CITED1: variants seen among roughly 807,000 people sequenced by gnomAD.
The protein encoded by CITED1 is cbp/p300-interacting transactivator 1.
CITED1 carries 3 observed loss-of-function variants against 8.5 expected under a neutral mutation model. The observed-to-expected ratio is 0.35, with a 90% confidence interval of 0.16 to 0.91. The LOEUF (loss-of-function observed/expected upper bound fraction) is 0.91. Among genes scored for constraint, CITED1 ranks in the 40% least tolerant of loss-of-function variants. The pLI is 0.46. For missense variants in CITED1, 113 were observed against 154.8 expected (o/e 0.73, Z 1.43); for synonymous variants, 54 against 67.4 (o/e 0.80, Z 0.97).
rs145265789 is a variant in CITED1 at position 72,303,737 on chromosome X, C to T, written c.-65-803G>A. Reference sequence around the variant, plus strand: ...CTAGCACCCCTATGGCCACATGCCTCACCTGACCACTGGCTAAGTCATCAT... The same window carrying T: ...CTAGCACCCCTATGGCCACATGCCTTACCTGACCACTGGCTAAGTCATCAT... On this transcript the variant is annotated intron_variant, in intron 1 of 2. Coordinates refer to ENST00000651998, the MANE Select transcript of CITED1 (RefSeq NM_001144887.2). Among the ~76,000 whole-genome samples, 927 of 111,927 alleles carry T rather than the reference C, an allele frequency of 8.3e-3. 11 individuals carry two copies. The highest frequency in any genetic ancestry group is 0.029 in the African/African-American group (887 of 30,767).
chrX:72,303,298 C>G (rs2043306401), intron 1 of CITED1, among the ~76,000 whole-genome samples: 1 of 112,872 alleles, frequency 8.9e-6, no homozygotes, highest in African/African-American at 3.2e-5. Context: ...AACATATTGT[C>G]TCAATGGGCT....
At chrX:72,305,370 C>CGGCTT in intron 1 of CITED1, 1 of 1,081,801 alleles carries the variant, frequency 9.2e-7, no homozygotes, top group South Asian at 2.0e-5. Context: ...AACAGCACTG[C>CGGCTT]GGCTTGGCTT....
Position 72,303,021 on chromosome X carries a change from C to T in CITED1, c.-65-87G>A, listed in dbSNP as rs772729354. On this transcript the variant is annotated intron_variant, in intron 1 of 2. Coordinates refer to ENST00000651998, the MANE Select transcript of CITED1 (RefSeq NM_001144887.2). ...CAAAGCCCAAAGCAGGGCAATGCCA[C>T]GCAGCTATGAGGCAAGGATGGTGAC... 9.9e-5 allele frequency: 106 copies of T among 1,070,662 alleles called. No homozygotes were observed. In the African/African-American group the frequency reaches 1.6e-3, roughly 16 times the overall value. 88.2% of individuals were successfully genotyped at this position (1,070,662 alleles called of 1,213,427 possible).
chrX:72,302,500 C>T (rs777865682), intron 2 of CITED1, among the ~76,000 whole-genome samples: 4 of 112,044 alleles, frequency 3.6e-5, no homozygotes, highest in African/African-American at 1.3e-4. Flanking sequence ...CAGCTCCTTC[C>T]CCATAGCCTC....
chrX:72,303,076 G>C, intron 1 of CITED1, 142 bp from the exon 2 acceptor site: 2 of 795,512 alleles, frequency 2.5e-6, no homozygotes, highest in South Asian at 2.7e-5. Context: ...GAGATCACCC[G>C]AGCACAGGGA....
chrX:72,305,393 AC>A, intron 1 of CITED1: 1 of 896,915 alleles, frequency 1.1e-6, no homozygotes, highest in Non-Finnish European at 1.6e-6. Flanking sequence ...ACGCGCTCTA[AC>A]CAGACCAGTC....
chrX:72,301,856 G>A lies in CITED1; in HGVS notation c.449C>T (p.Ser150Leu), dbSNP rs773210279. The change falls in exon 3 of 3, where the codon TCG becomes TTG. Residue 150 changes from serine to leucine, a missense_variant. Ser to Leu is a moderately radical substitution (Grantham distance 145). Coordinates refer to ENST00000651998, the MANE Select transcript of CITED1 (RefSeq NM_001144887.2). ...AGAQSPAIIDSDPVDEEVLMS... is the reference protein window; with the variant it reads ...AGAQSPAIIDLDPVDEEVLMS... ...CAGCACTTCCTCATCCACTGGGTCC[G>A]AATCGATGATAGCAGGGCTCTGGGC... 5.0e-6 allele frequency: 6 copies of A among 1,210,277 alleles called. No homozygotes were observed. The highest frequency in any genetic ancestry group is 3.0e-5 in the East Asian group (1 of 33,783).
At chrX:72,304,048 CT>C in intron 1 of CITED1, 8 of 483,016 alleles carry the variant, frequency 1.7e-5, no homozygotes, top group Non-Finnish European at 2.0e-5. Context: ...GACCCTATCT[CT>C]TTAAAAAAAA....
Position 72,301,799 on chromosome X carries a change from C to T in CITED1, c.506G>A (p.Arg169Gln), listed in dbSNP as rs1409691974. 9 of 1,211,889 alleles carry T rather than the reference C, an allele frequency of 7.4e-6. No individual in the cohort carries two copies. The highest frequency in any genetic ancestry group is 2.2e-5 in the Admixed American group (1 of 46,057). ...MSLVVELGLD[R>Q]ANELPELWLG... ...CCACAGCTCCGGAAGCTCATTGGCT[C>T]GGTCCAACCCCAGTTCCACCACCAG... Residue 169 changes from arginine to glutamine, a missense_variant, in exon 3 of 3, where the codon CGA (arginine) becomes CAA (glutamine). Transcript: ENST00000651998.
At position 72,301,897 on chromosome X, in the gene CITED1, G is replaced by A; in HGVS notation, c.408C>T (p.Leu136=). 1 of 1,212,356 alleles carries A rather than the reference G, an allele frequency of 8.2e-7. No homozygotes were observed. The highest frequency in any genetic ancestry group is 1.1e-6 in the Non-Finnish European group (1 of 895,650). The part of the protein sequence containing the change: ...FGAQAGGAES[L]SPSAGAQSPA... ...GGCTCTGGGCACCAGCAGAAGGAGA[G>A]AGTGATTCTGCCCCTCCCGCCTGGG... Residue 136 remains leucine (L), a synonymous_variant, in exon 3 of 3, where the codon CTC becomes CTT. Transcript: ENST00000651998.
Position 72,302,902 on chromosome X carries a change from C to T in CITED1, c.-33G>A, listed in dbSNP as rs368985442. On this transcript the variant is annotated 5_prime_UTR_variant, in exon 2 of 3. Coordinates refer to ENST00000651998, the MANE Select transcript of CITED1 (RefSeq NM_001144887.2). The stretch of plus-strand genomic sequence containing the variant: ...CCTTGGCAGAAGTTGGATAAATTGG[C>T]GGGAAGTGATGCTGCCAGCTGGAGC... The T allele has an allele frequency of 1.3e-4, 152 of 1,210,091 alleles. No individual in the cohort carries two copies. The highest frequency in any genetic ancestry group is 2.3e-4 in the Middle Eastern group (1 of 4,337).
intron 1 of CITED1, among the ~76,000 whole-genome samples, chrX:72,303,899 A>G (rs2043311724): frequency 9.0e-6 from 1 of 111,213 alleles, no homozygotes; most frequent in Non-Finnish European, 1.9e-5. Flanking sequence ...ATTTTCCTGG[A>G]GGCCTGTTTA....
At position 72,301,784 on chromosome X, in the gene CITED1, G is replaced by A; in HGVS notation, c.521C>T (p.Pro174Leu). 1 of 1,212,066 alleles carries A rather than the reference G, an allele frequency of 8.3e-7. No individual in the cohort carries two copies. Among genetic ancestry groups the A allele is most frequent in the Non-Finnish European group, 1.1e-6 (1 of 895,589 alleles). ...ELGLDRANEL[P>L]ELWLGQNEFD... ...CTCATTCTGCCCCAGCCACAGCTCC[G>A]GAAGCTCATTGGCTCGGTCCAACCC... Residue 174 changes from proline to leucine, a missense_variant, in exon 3 of 3, where the codon CCG (proline) becomes CTG (leucine). Physicochemically the swap from Pro to Leu is moderately conservative, Grantham distance 98 (BLOSUM62 -3). Transcript: ENST00000651998.
chrX:72,304,639 G>A (rs780154090), intron 1 of CITED1, among the ~76,000 whole-genome samples: 1 of 111,689 alleles, frequency 9.0e-6, no homozygotes, highest in East Asian at 2.8e-4. Flanking sequence ...AAAAACAACA[G>A]GAGCAGCAGC....
At position 72,302,949 on chromosome X, in the gene CITED1, G is replaced by T. The variant is rs1363111781; in HGVS notation, c.-65-15C>A. The T allele has an allele frequency of 1.0e-5, 12 of 1,204,611 alleles. No homozygotes were observed. Among genetic ancestry groups the T allele is most frequent in the Non-Finnish European group, 1.3e-5 (12 of 891,714 alleles). ...GAGCTGTTGTGCTGCAAGTGAGGAA[G>T]AAGCAGTGGTAAGGGCAAAAGGCTT... On this transcript the variant is annotated splice_polypyrimidine_tract_variant and intron_variant, in intron 1 of 2. Coordinates refer to ENST00000651998, the MANE Select transcript of CITED1 (RefSeq NM_001144887.2).
chrX:72,305,008 C>A (rs1366274935), intron 1 of CITED1, among the ~76,000 whole-genome samples: 3 of 113,174 alleles, frequency 2.7e-5, no homozygotes, highest in Non-Finnish European at 5.6e-5. Context: ...CTTGGCAACG[C>A]GGAAACGTCC....
chrX:72,304,307 G>C (rs1359413312), intron 1 of CITED1, among the ~76,000 whole-genome samples: 1 of 111,179 alleles, frequency 9.0e-6, no homozygotes, highest in African/African-American at 3.3e-5. Context: ...GTGGATGGGG[G>C]TAGGGGAGGG....
At chrX:72,305,247 G>C in intron 1 of CITED1, 1 of 1,110,150 alleles carries the variant, frequency 9.0e-7, no homozygotes, top group Non-Finnish European at 1.2e-6. Context: ...GGGAGAGGCA[G>C]GTGGGGGCCT....
At chrX:72,302,662 A>T in intron 2 of CITED1, 148 bp downstream of exon 2, 1 of 530,489 alleles carries the variant, frequency 1.9e-6, no homozygotes, top group South Asian at 3.1e-5. Flanking sequence ...ACCACAATTT[A>T]GGCAGAAGCT....
Sources: gnomAD v4.1 joint callset for allele counts (sites outside exome capture counted in the v4.1 genomes callset) on GRCh38, gnomAD v4.1.1 for gene constraint, MANE v1.5 for transcripts, NCBI Gene and HGNC (gene_info 2026-07-23, HGNC 2026-07-21) for gene names.